Variants in CFAP99 observed in about 807,000 individuals in gnomAD.
CFAP99 encodes cilia and flagella associated protein 99.
In CFAP99, 84 loss-of-function variants were observed where a neutral mutation model predicts 82.7. The ratio of observed to expected loss-of-function variants is 1.02; its 90% CI spans 0.85 to 1.22. The LOEUF (loss-of-function observed/expected upper bound fraction) is 1.22, where lower values mean the gene tolerates loss of function less well. CFAP99 is among the 50% of genes most tolerant of loss of function. The pLI is 0.00. For missense variants in CFAP99, 1,059 were observed against 983.5 expected, an observed-to-expected ratio of 1.08 and a Z score of -1.03; for synonymous variants, 456 against 429.5, an observed-to-expected ratio of 1.06 and a Z score of -0.76.
intron 11 of CFAP99, among the ~76,000 whole-genome samples, chr4:2,456,638 G>T (rs1482078130): frequency 6.6e-6 from 1 of 152,170 alleles, no homozygotes; most frequent in East Asian, 1.9e-4. Flanking sequence ...TACTGCCTCA[G>T]CCTCCTGAGT....
chr4:2,457,473 C>T lies in CFAP99; in HGVS notation c.1162-1250C>T, dbSNP rs562356390. Among the ~76,000 whole-genome samples the T allele has an allele frequency of 4.4e-4, 67 of 152,336 alleles. No individual in the cohort carries two copies. In the South Asian group the frequency reaches 0.013, roughly 30 times the overall value. On this transcript the variant is annotated intron_variant, in intron 11 of 14. Transcript: ENST00000635017. ...AAGGAGGAGGGGATGTGTGGGAAAC[C>T]TGGTGGGATGTCCACAGCAGGGCCC... is the stretch of plus-strand genomic sequence containing the variant.
intron 5 of CFAP99, among the ~76,000 whole-genome samples, chr4:2,444,587 C>T (rs960229824): frequency 6.6e-6 from 1 of 152,074 alleles, no homozygotes; most frequent in Non-Finnish European, 1.5e-5. Flanking sequence ...CACACTCGGG[C>T]GGCCTGGCAA....
intron 2 of CFAP99, chr4:2,427,424 C>T (rs1270349640): frequency 1.3e-5 from 2 of 152,698 alleles, no homozygotes; most frequent in Admixed American, 6.5e-5. Context: ...CCAGAGGAAG[C>T]TGAGCCCACC....
intron 11 of CFAP99, among the ~76,000 whole-genome samples, chr4:2,457,149 A>G (rs1301271223): frequency 2.0e-5 from 3 of 151,786 alleles, no homozygotes; most frequent in Non-Finnish European, 2.9e-5. Flanking sequence ...ACGGGGTCTC[A>G]CTATGTTGGT....
At chr4:2,452,079 A>G in intron 10 of CFAP99, 63 bp from the exon 11 acceptor site, 1 of 1,508,670 alleles carries the variant, frequency 6.6e-7, no homozygotes, top group Non-Finnish European at 8.9e-7. Context: ...AAAACCTGTG[A>G]CCACCCAGCA....
rs1433007637 is a variant in CFAP99, at chr4:2,438,180, C to T, written c.351+16C>T. The T allele has an allele frequency of 6.7e-7, 1 of 1,484,708 alleles. No homozygotes were observed. The highest frequency in any genetic ancestry group is 2.5e-5 in the East Asian group (1 of 40,600). 92.0% of individuals were successfully genotyped at this position (1,484,708 alleles called of 1,614,324 possible). On this transcript the variant is annotated intron_variant, in intron 4 of 14. Coordinates refer to ENST00000635017, the Ensembl canonical transcript of CFAP99. ...GATGTGCAAGGTGAGCCACCCCTAC[C>T]TGCCCACCAGGCCACGAGGCCCACG...
intron 4 of CFAP99, among the ~76,000 whole-genome samples, chr4:2,441,345 C>T (rs1463214582): frequency 6.7e-6 from 1 of 149,446 alleles, no homozygotes; most frequent in African/African-American, 2.5e-5. Context: ...TGCACTCCAG[C>T]CTGGGCGACA....
chr4:2,442,617 G>C (rs1364314063), intron 4 of CFAP99, among the ~76,000 whole-genome samples: 1 of 152,150 alleles, frequency 6.6e-6, no homozygotes, highest in East Asian at 1.9e-4. Flanking sequence ...ATGTGCTTCT[G>C]GGGCCGTCAC....
intron 2 of CFAP99, among the ~76,000 whole-genome samples, chr4:2,434,635 A>G (rs918554380): frequency 6.6e-6 from 1 of 152,160 alleles, no homozygotes. Flanking sequence ...TCCCCACCAC[A>G]TCGGGTGGGA....
At chr4:2,447,439 G>T (rs1734189885) in intron 6 of CFAP99, among the ~76,000 whole-genome samples, 2 of 151,436 alleles carry the variant, frequency 1.3e-5, no homozygotes, top group Admixed American at 1.3e-4. Flanking sequence ...TCAGTTGGAT[G>T]GATAGATGAT....
At position 2,462,887 on chromosome 4, in the gene CFAP99, C is replaced by A; in HGVS notation, c.2106C>A (p.Gly702=). The change falls in exon 15 of 15, where the codon GGC becomes GGA. Residue 702 remains glycine (G), a synonymous_variant. Coordinates refer to ENST00000635017, the Ensembl canonical transcript of CFAP99. This position sits in a 1 kb window ranked among gnomAD's most constrained non-coding sequence, Gnocchi z 4.1. Reference sequence around the variant, plus strand: ...GGCTGCAGGCGCTGCAGCAGGGAGGCTCAGGACCCGGGCCCGCGCGCCGCC... The same window carrying A: ...GGCTGCAGGCGCTGCAGCAGGGAGGATCAGGACCCGGGCCCGCGCGCCGCC... 7.3e-7 allele frequency: 1 copy of A among 1,368,566 alleles called. No homozygotes were observed. The highest frequency in any genetic ancestry group is 9.4e-7 in the Non-Finnish European group (1 of 1,061,700). The allele number at this position is 1,368,566 out of a possible 1,614,324, so 84.8% of individuals were successfully genotyped here.
chr4:2,437,752 G>A (rs924697009), intron 3 of CFAP99, among the ~76,000 whole-genome samples: 10 of 152,204 alleles, frequency 6.6e-5, no homozygotes, highest in African/African-American at 2.4e-4. Flanking sequence ...CATTCTAGCC[G>A]GCTTGAGGTG....
intron 5 of CFAP99, 116 bp from the exon 6 acceptor site, chr4:2,445,015 C>G: frequency 1.5e-6 from 1 of 672,064 alleles, no homozygotes; most frequent in Non-Finnish European, 2.1e-6. Context: ...CCCACTATCA[C>G]CTCCACCCCA....
At chr4:2,435,889 G>A (rs35551432) in intron 2 of CFAP99, among the ~76,000 whole-genome samples, 2,450 of 101,450 alleles carry the variant, frequency 0.024, no homozygotes, top group African/African-American at 0.085. Flanking sequence ...CCGAGGTGGG[G>A]AGCAGCTACT....
intron 11 of CFAP99, among the ~76,000 whole-genome samples, chr4:2,454,566 T>G (rs1734377220): frequency 6.6e-6 from 1 of 151,512 alleles, no homozygotes; most frequent in Non-Finnish European, 1.5e-5. Flanking sequence ...TTTTTCTTTT[T>G]TTGTTGTTTT....
At chr4:2,450,392 T>G in intron 8 of CFAP99, 1 of 303,010 alleles carries the variant, frequency 3.3e-6, no homozygotes, top group Non-Finnish European at 6.4e-6. Context: ...CGGGGCTCAC[T>G]CAGGAGCACG....
intron 6 of CFAP99, among the ~76,000 whole-genome samples, chr4:2,449,453 C>T (rs1444969137): frequency 6.8e-6 from 1 of 147,370 alleles, no homozygotes; most frequent in East Asian, 2.1e-4. Context: ...AAGCTCCAGA[C>T]CCCACGCCAA....
At chr4:2,445,109 T>C (rs2108726876) in intron 5 of CFAP99, 22 bp from the exon 6 acceptor site, 1 of 1,319,520 alleles carries the variant, frequency 7.6e-7, no homozygotes, top group Non-Finnish European at 9.6e-7. Flanking sequence ...CCATAAGAGG[T>C]GTTTCCACTT....
chr4:2,442,143 G>A (rs528365740), intron 4 of CFAP99, among the ~76,000 whole-genome samples: 1 of 152,292 alleles, frequency 6.6e-6, no homozygotes, highest in East Asian at 1.9e-4. Flanking sequence ...CGCTGAGTGT[G>A]GGGATGGGGT....
Sources: allele counts gnomAD v4.1 joint callset (sites outside exome capture counted in the v4.1 genomes callset), GRCh38; gene constraint gnomAD v4.1.1; non-coding constraint Gnocchi (gnomAD v3.1); transcripts MANE v1.5; gene names NCBI Gene and HGNC (gene_info 2026-07-23, HGNC 2026-07-21).